LRRC3B: variants seen among roughly 807,000 people sequenced by gnomAD.
LRRC3B encodes the protein leucine rich repeat containing 3B.
A neutral mutation model predicts 12.8 loss-of-function variants in LRRC3B; 2 were observed. The ratio of observed to expected loss-of-function variants is 0.16; its 90% CI spans 0.06 to 0.49. The LOEUF is 0.49. Ranked by LOEUF, LRRC3B falls within the 20% of genes least tolerant of loss-of-function variation. The pLI, the probability that LRRC3B is intolerant of heterozygous loss-of-function variation, is 0.96. For synonymous variants in LRRC3B, 132 were observed against 122.0 expected (o/e 1.08, Z -0.54); for missense variants, 189 against 319.4 (o/e 0.59, Z 3.11).
intron 1 of LRRC3B, among the ~76,000 whole-genome samples, chr3:26,627,880 T>C (rs896415068): frequency 6.6e-6 from 1 of 152,116 alleles, no homozygotes; most frequent in Non-Finnish European, 1.5e-5. Flanking sequence ...GTTGCAGCAG[T>C]GTTAAAGAAA....
intron 1 of LRRC3B, chr3:26,701,203 TC>T (rs1242031121): frequency 6.6e-6 from 1 of 152,170 alleles, no homozygotes; most frequent in Non-Finnish European, 1.5e-5. Flanking sequence ...ATTTAACTGT[TC>T]TCCCCTTCCC....
At chr3:26,695,843 A>G (rs73821192) in intron 1 of LRRC3B, among the ~76,000 whole-genome samples, 2,981 of 152,322 alleles carry the variant, frequency 0.02, 99 homozygotes, top group African/African-American at 0.068. Context: ...TCAGATGCCT[A>G]TATGTCCAAA....
At chr3:26,656,968 C>A (rs1170555923) in intron 1 of LRRC3B, among the ~76,000 whole-genome samples, 1 of 152,176 alleles carries the variant, frequency 6.6e-6, no homozygotes, top group Non-Finnish European at 1.5e-5. Context: ...TATGCAAGCA[C>A]AACTTGGCTC....
chr3:26,646,942 C>A (rs1271156624), intron 1 of LRRC3B, among the ~76,000 whole-genome samples: 2 of 152,000 alleles, frequency 1.3e-5, no homozygotes, highest in East Asian at 3.9e-4. Context: ...AATATGAGCC[C>A]CACATCTTCC....
chr3:26,666,483 A>C (rs1699606073), intron 1 of LRRC3B, among the ~76,000 whole-genome samples: 1 of 152,122 alleles, frequency 6.6e-6, no homozygotes, highest in Admixed American at 6.6e-5. Flanking sequence ...CTACAAGCTC[A>C]GGGCTTTGTA....
chr3:26,659,298 C>T (rs1016161850), intron 1 of LRRC3B, among the ~76,000 whole-genome samples: 1 of 152,154 alleles, frequency 6.6e-6, no homozygotes, highest in Non-Finnish European at 1.5e-5. Context: ...TTACCATGCT[C>T]ACATATGAAA....
intron 1 of LRRC3B, among the ~76,000 whole-genome samples, chr3:26,667,948 C>CT (rs1216997851): frequency 6.6e-6 from 1 of 151,308 alleles, no homozygotes; most frequent in Non-Finnish European, 1.5e-5. Context: ...TATTATTATA[C>CT]TTTAAGTTTT....
intron 1 of LRRC3B, among the ~76,000 whole-genome samples, chr3:26,657,823 C>T (rs1289214843): frequency 1.3e-5 from 2 of 152,092 alleles, no homozygotes; most frequent in African/African-American, 2.4e-5. Flanking sequence ...ACGGGCATAG[C>T]CTGTTCTTCT....
chr3:26,698,522 T>C (rs969107399), intron 1 of LRRC3B, among the ~76,000 whole-genome samples: 16 of 152,106 alleles, frequency 1.1e-4, no homozygotes, highest in Admixed American at 6.5e-5. Context: ...TAAGACTTTT[T>C]TGCATCACCA....
intron 1 of LRRC3B, among the ~76,000 whole-genome samples, chr3:26,636,891 TC>T (rs1559350170): frequency 0.036 from 2,615 of 73,002 alleles, 158 homozygotes; most frequent in East Asian, 0.1. Context: ...CCTTCCTTTC[TC>T]TCTCTCTCTC....
At chr3:26,662,393 G>A (rs1029136463) in intron 1 of LRRC3B, among the ~76,000 whole-genome samples, 10 of 151,964 alleles carry the variant, frequency 6.6e-5, no homozygotes, top group African/African-American at 1.5e-4. Flanking sequence ...GTATTACTCC[G>A]GATTAAAATT....
chr3:26,674,982 C>T (rs17018556), intron 1 of LRRC3B, among the ~76,000 whole-genome samples: 4 of 152,072 alleles, frequency 2.6e-5, no homozygotes, highest in Non-Finnish European at 5.9e-5. Context: ...GTTGATATTC[C>T]GTGACATGAC....
chr3:26,688,628 C>G (rs1324099241), intron 1 of LRRC3B, among the ~76,000 whole-genome samples: 1 of 152,114 alleles, frequency 6.6e-6, no homozygotes, highest in Non-Finnish European at 1.5e-5. Flanking sequence ...ATGCCACACA[C>G]TTTTCAACAA....
Position 26,703,682 on chromosome 3 carries a change from T to C in LRRC3B, c.-160-5831T>C, listed in dbSNP as rs965267057. Among the ~76,000 whole-genome samples, 33 of 151,464 alleles carry C rather than the reference T, an allele frequency of 2.2e-4. 1 individual carries two copies. The highest frequency in any genetic ancestry group is 1.9e-3 in the Admixed American group (29 of 15,130). On this transcript the variant is annotated intron_variant, in intron 1 of 1. Transcript: ENST00000396641. ...TGATTTGGGCTGTTTGCTACAGAGA[T>C]TGTGGTTTGGTTTCCTGATCTAGTT...
At chr3:26,675,822 C>T (rs1699846048) in intron 1 of LRRC3B, among the ~76,000 whole-genome samples, 2 of 152,158 alleles carry the variant, frequency 1.3e-5, no homozygotes, top group South Asian at 4.1e-4. Context: ...AAAACTAGCC[C>T]TTATTCTAGA....
intron 1 of LRRC3B, among the ~76,000 whole-genome samples, chr3:26,697,185 A>T (rs563385308): frequency 6.6e-6 from 1 of 152,302 alleles, no homozygotes; most frequent in African/African-American, 2.4e-5. Flanking sequence ...AAAATAACAC[A>T]CATCTATTTT....
chr3:26,672,729 G>T (rs907145779), intron 1 of LRRC3B, among the ~76,000 whole-genome samples: 5 of 152,106 alleles, frequency 3.3e-5, no homozygotes, highest in Admixed American at 1.3e-4. Context: ...AAGATTTTTG[G>T]ATTCAGTATA....
intron 1 of LRRC3B, among the ~76,000 whole-genome samples, chr3:26,707,006 G>GAAT (rs1700606908): frequency 6.6e-6 from 1 of 152,100 alleles, no homozygotes; most frequent in African/African-American, 2.4e-5. Flanking sequence ...ATGTATCCGA[G>GAAT]AATAATAATA....
At chr3:26,683,329 T>C (rs1235516643) in intron 1 of LRRC3B, among the ~76,000 whole-genome samples, 3 of 152,190 alleles carry the variant, frequency 2.0e-5, no homozygotes, top group African/African-American at 4.8e-5. Context: ...ATCTGATCTG[T>C]TGGGTAAATT....
Sources: allele counts gnomAD v4.1 joint callset (sites outside exome capture counted in the v4.1 genomes callset), GRCh38; gene constraint gnomAD v4.1.1; transcripts MANE v1.5; gene names NCBI Gene and HGNC (gene_info 2026-07-23, HGNC 2026-07-21).